LVRN: variants seen among roughly 807,000 people sequenced by gnomAD.
LVRN encodes the protein aminopeptidase Q.
A neutral mutation model predicts 111.4 loss-of-function variants in LVRN; 99 were observed. That is an observed-to-expected ratio of 0.89 (90% CI 0.76 to 1.05). The LOEUF (loss-of-function observed/expected upper bound fraction) is 1.05. Ranked by LOEUF, LVRN falls within the 50% of genes least tolerant of loss-of-function variation. The pLI is 0.00. For missense variants in LVRN, 1,414 were observed against 1,206.8 expected (o/e 1.17, Z -2.54); for synonymous variants, 488 against 449.5 (o/e 1.09, Z -1.08).
chr5:115,968,437 C>CT lies in LVRN; in HGVS notation c.695+5142dup, dbSNP rs5870675. On this transcript the variant is annotated intron_variant, in intron 1 of 19. Transcript: ENST00000357872. Reference sequence around the variant, plus strand: ...ATTGAGCCAGCCTTAGTTCCCCACCCTTTTTTTTTTTTTTTTTCAGAGATG... The same window carrying CT: ...ATTGAGCCAGCCTTAGTTCCCCACCCTTTTTTTTTTTTTTTTTTCAGAGATG... Among the ~76,000 whole-genome samples the CT allele has an allele frequency of 5.3e-3, 693 of 131,548 alleles. 7 individuals carry two copies. Among genetic ancestry groups the CT allele is most frequent in the South Asian group, 0.022 (91 of 4,144 alleles). The allele number at this position is 131,548 out of a possible 152,430, so 86.3% of individuals were successfully genotyped here.
chr5:116,005,812 C>A (rs1012592325), intron 12 of LVRN, 100 bp from the exon 13 acceptor site: 2 of 939,486 alleles, frequency 2.1e-6, no homozygotes, highest in East Asian at 2.4e-5. Context: ...CGTGAAGGTG[C>A]TTTATAGGCA....
At chr5:115,978,043 A>G (rs1373833712) in intron 1 of LVRN, among the ~76,000 whole-genome samples, 1 of 152,250 alleles carries the variant, frequency 6.6e-6, no homozygotes, top group Admixed American at 6.5e-5. Flanking sequence ...ATTAAAATCA[A>G]TGAATTTGTG....
intron 17 of LVRN, 97 bp from the exon 18 acceptor site, chr5:116,015,531 C>CACT (rs1473264703): frequency 6.7e-7 from 1 of 1,483,736 alleles, no homozygotes; most frequent in Non-Finnish European, 9.0e-7. Context: ...ATTTGTGCTT[C>CACT]ACTACCTTAG....
chr5:115,969,824 A>G lies in LVRN; in HGVS notation c.695+6512A>G, dbSNP rs565946996. Among the ~76,000 whole-genome samples, 43 of 148,942 alleles carry G rather than the reference A, an allele frequency of 2.9e-4. No homozygotes were observed. The South Asian group carries it at 7.8e-3, about 27-fold the overall frequency. On this transcript the variant is annotated intron_variant, in intron 1 of 19. Coordinates refer to ENST00000357872, the MANE Select transcript of LVRN (RefSeq NM_173800.5). Reference sequence around the variant, plus strand: ...CAAAAAAAAAAAAAAAAAAGATATTATAATTTTTATCTTTAACATTTCTAC... The same window carrying G: ...CAAAAAAAAAAAAAAAAAAGATATTGTAATTTTTATCTTTAACATTTCTAC...
chr5:116,010,816 G>T lies in LVRN; in HGVS notation c.2169G>T (p.Trp723Cys). The change falls in exon 14 of 20, where the codon TGG (tryptophan) becomes TGT (cysteine). Residue 723 changes from tryptophan (W) to cysteine (C), a missense_variant. Trp to Cys is a radical substitution (Grantham distance 215). Coordinates refer to ENST00000357872, the MANE Select transcript of LVRN (RefSeq NM_173800.5). ...YLAEEDEIIV[W>C]HTVLVNLVTR... ...CTGAAGAAGATGAAATTATAGTATG[G>T]CATACAGTCTTGGTAAACTTGGTAA... 1 of 1,612,348 alleles carries T rather than the reference G, an allele frequency of 6.2e-7. No individual in the cohort carries two copies. Among genetic ancestry groups the T allele is most frequent in the Non-Finnish European group, 8.5e-7 (1 of 1,179,028 alleles).
At chr5:116,020,424 C>G (rs114721818) in intron 18 of LVRN, among the ~76,000 whole-genome samples, 1 of 152,148 alleles carries the variant, frequency 6.6e-6, no homozygotes, top group African/African-American at 2.4e-5. Context: ...ACAGAAAAAC[C>G]ACTTTTATTT....
intron 19 of LVRN, among the ~76,000 whole-genome samples, chr5:116,023,012 T>C (rs1185809179): frequency 6.6e-6 from 1 of 152,224 alleles, no homozygotes; most frequent in African/African-American, 2.4e-5. Flanking sequence ...ATTTTCTGGA[T>C]TTCAGAAACA....
At chr5:116,003,731 G>A (rs1315783836) in intron 12 of LVRN, among the ~76,000 whole-genome samples, 7 of 151,918 alleles carry the variant, frequency 4.6e-5, no homozygotes, top group African/African-American at 1.2e-4. Context: ...ACAGGCGCCT[G>A]CCACCACGCC....
rs763545679 is a variant in LVRN at position 116,015,283 on chromosome 5, T to A, written c.2482T>A (p.Cys828Ser). Residue 828 changes from cysteine (C) to serine (S), a missense_variant, in exon 17 of 20, where the codon TGT becomes AGT. By Grantham distance (112) the Cys-to-Ser change is moderately radical. Transcript: ENST00000357872. ...TTATCCAATTAAAGATGTGGTTTTA[T>A]GTTATGGCATTGCCTTGGGAAGTGA... ...IPYPIKDVVL[C>S]YGIALGSDKE... is the part of the protein sequence containing the mutation. The A allele has an allele frequency of 4.4e-6, 7 of 1,608,104 alleles. No individual in the cohort carries two copies. The South Asian group carries it at 6.7e-5, about 15-fold the overall frequency.
chr5:115,981,550 T>C (rs945559977), intron 1 of LVRN, among the ~76,000 whole-genome samples: 2 of 152,174 alleles, frequency 1.3e-5, no homozygotes, highest in Non-Finnish European at 2.9e-5. Flanking sequence ...GAATGGGGTA[T>C]CCATCCCCTC....
intron 15 of LVRN, among the ~76,000 whole-genome samples, chr5:116,014,208 C>G (rs919675772): frequency 2.6e-5 from 4 of 152,154 alleles, no homozygotes; most frequent in Admixed American, 6.5e-5. Flanking sequence ...GCTTTAGGAG[C>G]TCTTTTTGGT....
At chr5:116,015,898 T>C (rs1466589896) in intron 18 of LVRN, 133 bp downstream of exon 18, 1 of 1,108,824 alleles carries the variant, frequency 9.0e-7, no homozygotes, top group Non-Finnish European at 1.2e-6. Context: ...ACTAGAAAAG[T>C]TATCATTTTT....
At chr5:116,023,809 C>T (rs1367142424) in intron 19 of LVRN, among the ~76,000 whole-genome samples, 2 of 152,142 alleles carry the variant, frequency 1.3e-5, no homozygotes, top group Admixed American at 6.6e-5. Flanking sequence ...AACTGGAACT[C>T]TTTTATCCTA....
At chr5:115,998,297 A>G (rs1353678873) in intron 6 of LVRN, among the ~76,000 whole-genome samples, 2 of 152,122 alleles carry the variant, frequency 1.3e-5, no homozygotes, top group Admixed American at 1.3e-4. Flanking sequence ...ATTTTGGTTT[A>G]TTTTCTTTCA....
chr5:116,004,842 C>T (rs1748325619), intron 12 of LVRN, among the ~76,000 whole-genome samples: 1 of 152,084 alleles, frequency 6.6e-6, no homozygotes, highest in Non-Finnish European at 1.5e-5. Context: ...TTAACAGAGG[C>T]CTGACACAAT....
intron 1 of LVRN, among the ~76,000 whole-genome samples, chr5:115,971,165 T>C (rs545822082): frequency 6.6e-6 from 1 of 152,346 alleles, no homozygotes; most frequent in South Asian, 2.1e-4. Context: ...TTTAACAAAA[T>C]GTCTGATAAA....
chr5:115,997,915 C>T (rs1453795827), intron 6 of LVRN, among the ~76,000 whole-genome samples: 1 of 152,124 alleles, frequency 6.6e-6, no homozygotes, highest in East Asian at 1.9e-4. Context: ...GTGTTTGCCT[C>T]ATTCATCAAT....
At chr5:116,015,900 A>G in intron 18 of LVRN, 135 bp downstream of exon 18, 1 of 1,100,384 alleles carries the variant, frequency 9.1e-7, no homozygotes, top group Non-Finnish European at 1.2e-6. Flanking sequence ...TAGAAAAGTT[A>G]TCATTTTTCC....
intron 6 of LVRN, among the ~76,000 whole-genome samples, chr5:115,994,357 C>T (rs1189678094): frequency 1.3e-5 from 2 of 152,102 alleles, no homozygotes; most frequent in Non-Finnish European, 2.9e-5. Flanking sequence ...AATGCAGTCT[C>T]GACCTCCTGG....
Sources: allele counts gnomAD v4.1 joint callset (sites outside exome capture counted in the v4.1 genomes callset), GRCh38; gene constraint gnomAD v4.1.1; transcripts MANE v1.5; gene names NCBI Gene and HGNC (gene_info 2026-07-23, HGNC 2026-07-21).